ARFGAP3: variants seen among roughly 807,000 people sequenced by gnomAD.
ARFGAP3 encodes ARF GTPase activating protein 3, also known as ADP-ribosylation factor GTPase-activating protein 3.
ARFGAP3 carries 72 observed loss-of-function variants against 75.0 expected under a neutral mutation model. That is an observed-to-expected ratio of 0.96 (90% CI 0.79 to 1.17). ARFGAP3 has a LOEUF of 1.17. ARFGAP3 is among the 50% of genes most tolerant of loss of function. The pLI, the probability that ARFGAP3 is intolerant of heterozygous loss-of-function variation, is 0.00. For missense variants in ARFGAP3, 620 were observed against 626.6 expected, an observed-to-expected ratio of 0.99 and a Z score of 0.11; for synonymous variants, 221 against 217.9, an observed-to-expected ratio of 1.01 and a Z score of -0.13.
At chr22:42,826,383 C>CTTT (rs113925697) in intron 7 of ARFGAP3, among the ~76,000 whole-genome samples, 1 of 142,142 alleles carries the variant, frequency 7.0e-6, no homozygotes, top group South Asian at 2.2e-4. Flanking sequence ...CACATTGCTG[C>CTTT]TTTTTTTTTT....
At chr22:42,828,181 G>C (rs959626140) in intron 6 of ARFGAP3, among the ~76,000 whole-genome samples, 2 of 152,048 alleles carry the variant, frequency 1.3e-5, no homozygotes, top group African/African-American at 4.8e-5. Flanking sequence ...CCAGCACTTC[G>C]GGAGGCCAAG....
intron 12 of ARFGAP3, 89 bp downstream of exon 12, chr22:42,810,724 C>T (rs1484413318): frequency 3.4e-6 from 4 of 1,171,722 alleles, no homozygotes; most frequent in Admixed American, 3.9e-5. Flanking sequence ...CAGCCCCTTA[C>T]AAGGGTTTTC....
Position 42,831,650 on chromosome 22 carries a change from A to C in ARFGAP3, c.478-14T>G, listed in dbSNP as rs370290433. The C allele has an allele frequency of 2.5e-5, 40 of 1,613,828 alleles. No individual in the cohort carries two copies. In the African/African-American group the frequency reaches 5.1e-4, roughly 20 times the overall value. ...TGTGTCACTCACCTGAAACAAGGCG[A>C]GAAAAGTCATTAGCAGACAAAGCAA... is the stretch of plus-strand genomic sequence containing the variant. On this transcript the variant is annotated splice_polypyrimidine_tract_variant and intron_variant, in intron 5 of 15. Coordinates refer to ENST00000263245, the MANE Select transcript of ARFGAP3 (RefSeq NM_014570.5).
At chr22:42,801,832 G>A (rs2146523611) in intron 14 of ARFGAP3, among the ~76,000 whole-genome samples, 1 of 152,280 alleles carries the variant, frequency 6.6e-6, no homozygotes, top group Middle Eastern at 3.4e-3. Context: ...TGCCCTCAGT[G>A]TAAGGCACAA....
rs1406224387 is a variant in ARFGAP3, at chr22:42,857,221, C to A, written c.-39G>T. The stretch of plus-strand genomic sequence containing the variant: ...CCGCGGCGCAGCTGGCCCAGCCAAC[C>A]GGTAAGAGTCGACGAAAAGCGGCTA... On this transcript the variant is annotated 5_prime_UTR_variant, in exon 1 of 16. Transcript: ENST00000263245. 1.5e-5 allele frequency: 23 copies of A among 1,497,028 alleles called. No individual in the cohort carries two copies. The highest frequency in any genetic ancestry group is 2.9e-5 in the East Asian group (1 of 34,538). The allele number at this position is 1,497,028 out of a possible 1,614,324, so 92.7% of individuals were successfully genotyped here. A position where few individuals can be genotyped will look rare whatever the true frequency, so the allele number is the denominator to read the frequency against.
intron 6 of ARFGAP3, among the ~76,000 whole-genome samples, chr22:42,828,149 G>T (rs1364804927): frequency 6.6e-6 from 1 of 152,016 alleles, no homozygotes; most frequent in East Asian, 1.9e-4. Context: ...AGGGCCAGGT[G>T]TGGTGGCTCA....
At chr22:42,803,149 C>T (rs1182171620) in intron 14 of ARFGAP3, among the ~76,000 whole-genome samples, 5 of 152,096 alleles carry the variant, frequency 3.3e-5, no homozygotes, top group Admixed American at 1.3e-4. Context: ...CATTAGCCAT[C>T]GCACCTAGCT....
chr22:42,823,531 C>T (rs1209264793), intron 8 of ARFGAP3, 125 bp downstream of exon 8: 1 of 634,782 alleles, frequency 1.6e-6, no homozygotes, highest in Non-Finnish European at 2.6e-6. Context: ...AAAACATAGA[C>T]TCCTTATATC....
chr22:42,854,859 C>G (rs1927430675), intron 1 of ARFGAP3, among the ~76,000 whole-genome samples: 1 of 152,250 alleles, frequency 6.6e-6, no homozygotes, highest in East Asian at 1.9e-4. Flanking sequence ...AACCAATGAT[C>G]AAATAAAAGG....
At chr22:42,841,442 A>C (rs1013679093) in intron 2 of ARFGAP3, among the ~76,000 whole-genome samples, 1 of 152,222 alleles carries the variant, frequency 6.6e-6, no homozygotes, top group African/African-American at 2.4e-5. Flanking sequence ...ACAAGGTAGA[A>C]GAGACCTACC....
chr22:42,840,864 C>G, intron 3 of ARFGAP3, 80 bp downstream of exon 3: 1 of 1,457,532 alleles, frequency 6.9e-7, no homozygotes, highest in Admixed American at 1.9e-5. Flanking sequence ...AGCCACTGCA[C>G]CTAGCCTGAG....
chr22:42,813,427 G>A (rs1258320576), intron 11 of ARFGAP3, among the ~76,000 whole-genome samples: 1 of 152,138 alleles, frequency 6.6e-6, no homozygotes, highest in East Asian at 1.9e-4. Flanking sequence ...GAACTTCCAG[G>A]TTCTTCATGA....
intron 11 of ARFGAP3, 73 bp from the exon 12 acceptor site, chr22:42,811,017 C>A: frequency 6.4e-7 from 1 of 1,572,080 alleles, no homozygotes; most frequent in Non-Finnish European, 8.6e-7. Context: ...CTCACTTCCA[C>A]AGATGTGGGG....
At chr22:42,814,435 C>T (rs1047532543) in intron 11 of ARFGAP3, among the ~76,000 whole-genome samples, 1 of 152,190 alleles carries the variant, frequency 6.6e-6, no homozygotes, top group Admixed American at 6.5e-5. Flanking sequence ...AAACAATACA[C>T]CAAGGTCTCT....
rs990901993 is a variant in ARFGAP3, at chr22:42,817,138, G to A, written c.1064+4C>T. On this transcript the variant is annotated splice_donor_region_variant and intron_variant, in intron 11 of 15. Coordinates refer to ENST00000263245, the MANE Select transcript of ARFGAP3 (RefSeq NM_014570.5). Reference sequence around the variant, plus strand: ...CACTTCAACGATGATTTGTAATACAGTACCTTGAGCTGGAAGTAAAATATG... The same window carrying A: ...CACTTCAACGATGATTTGTAATACAATACCTTGAGCTGGAAGTAAAATATG... 1 of 1,592,444 alleles carries A rather than the reference G, an allele frequency of 6.3e-7. No homozygotes were observed. Among genetic ancestry groups the A allele is most frequent in the Admixed American group, 1.7e-5 (1 of 59,890 alleles).
intron 12 of ARFGAP3, among the ~76,000 whole-genome samples, chr22:42,809,201 C>G (rs1463098585): frequency 6.6e-6 from 1 of 152,220 alleles, no homozygotes; most frequent in East Asian, 1.9e-4. Context: ...ACACTGCTCT[C>G]TCTACATTGT....
rs759802872 is a variant in ARFGAP3, at chr22:42,809,036, T to TA, written c.1197-147dup. 6.5e-3 allele frequency: 5,971 copies of TA among 924,814 alleles called. 1 individual carries two copies. The highest frequency in any genetic ancestry group is 8.0e-3 in the East Asian group (228 of 28,508). The allele number at this position is 924,814 out of a possible 1,614,324, so 57.3% of individuals were successfully genotyped here. A position where few individuals can be genotyped will look rare whatever the true frequency, so the allele number is the denominator to read the frequency against. ...TTTTTAAAAGCCTGAAAATTCTAAT[T>TA]AAAAAAAAAAGAATAAATACCCAAA... On this transcript the variant is annotated intron_variant, in intron 12 of 15. Transcript: ENST00000263245.
intron 2 of ARFGAP3, among the ~76,000 whole-genome samples, chr22:42,844,604 A>AC (rs113706451): frequency 0.61 from 89,671 of 146,488 alleles, 28,767 homozygotes; most frequent in African/African-American, 0.79. Context: ...AAAAAAAAAA[A>AC]AAATAAAAAA....
chr22:42,837,395 CA>C (rs1926564759), intron 3 of ARFGAP3, among the ~76,000 whole-genome samples: 1 of 152,036 alleles, frequency 6.6e-6, no homozygotes, highest in African/African-American at 2.4e-5. Context: ...CAGAGGTAGG[CA>C]GATCACTTGA....
Sources: gnomAD v4.1 joint callset for allele counts (sites outside exome capture counted in the v4.1 genomes callset) on GRCh38, gnomAD v4.1.1 for gene constraint, MANE v1.5 for transcripts, NCBI Gene and HGNC (gene_info 2026-07-23, HGNC 2026-07-21) for gene names.